SNX19: variants seen among roughly 807,000 people sequenced by gnomAD.
SNX19 encodes the protein sorting nexin-19.
In SNX19, 60 loss-of-function variants were observed where a neutral mutation model predicts 85.2. The ratio of observed to expected loss-of-function variants is 0.70; its 90% CI spans 0.57 to 0.87. The LOEUF (loss-of-function observed/expected upper bound fraction) is 0.87. Ranked by LOEUF, SNX19 falls within the 40% of genes least tolerant of loss-of-function variation. The probability of loss-of-function intolerance (pLI) is 0.00; values close to 1 mark genes in which losing one functional copy is unlikely to be tolerated. For missense variants in SNX19, 1,201 were observed against 1,217.8 expected, an observed-to-expected ratio of 0.99 and a Z score of 0.21; for synonymous variants, 520 against 470.0, an observed-to-expected ratio of 1.11 and a Z score of -1.38.
In SNX19 at chr11:130,911,624, A is replaced by T; in HGVS notation, c.1813+9T>A. ...CAAGCGGGCAGTAGGGGTTGGGGAA[A>T]CTCCTGACTTTTGATGAACTTTCGT... On this transcript the variant is annotated intron_variant, in intron 2 of 10. Coordinates refer to ENST00000265909, the MANE Select transcript of SNX19 (RefSeq NM_014758.3). 6.2e-7 allele frequency: 1 copy of T among 1,613,896 alleles called. No homozygotes were observed. The highest frequency in any genetic ancestry group is 1.7e-5 in the Admixed American group (1 of 59,996).
In SNX19 at chr11:130,880,677, C is replaced by G; in HGVS notation, c.2703G>C (p.Glu901Asp). 1 of 1,612,180 alleles carries G rather than the reference C, an allele frequency of 6.2e-7. No homozygotes were observed. The highest frequency in any genetic ancestry group is 8.5e-7 in the Non-Finnish European group (1 of 1,178,512). The change falls in exon 9 of 11, where the codon GAG becomes GAC. Residue 901 changes from glutamate to aspartate, a missense_variant. By Grantham distance (45) the Glu-to-Asp change is conservative (BLOSUM62 2). This residue lies in a region of SNX19 where 285 missense variants were observed against 295.3 expected (regional missense o/e 0.97). Transcript: ENST00000265909. Reference protein sequence around the residue: ...PKFPRPVRTQEQKLAAEKQAL... With the variant: ...PKFPRPVRTQDQKLAAEKQAL... ...CCTGTTTCTCAGCAGCCAGTTTCTG[C>G]TCTTGGGTCCTTACGGGCCGTGGAA...
intron 8 of SNX19, among the ~76,000 whole-genome samples, chr11:130,895,818 G>A (rs1944838627): frequency 1.3e-5 from 2 of 152,198 alleles, no homozygotes; most frequent in African/African-American, 4.8e-5. Flanking sequence ...GTCACTATGT[G>A]ACAGGAAAGC....
At chr11:130,913,084 A>G (rs1389935152) in intron 1 of SNX19, among the ~76,000 whole-genome samples, 1 of 152,226 alleles carries the variant, frequency 6.6e-6, no homozygotes, top group East Asian at 1.9e-4. Flanking sequence ...AGAACAAATA[A>G]TGGGAGAAAG....
At chr11:130,895,679 G>A (rs2135347468) in intron 8 of SNX19, among the ~76,000 whole-genome samples, 1 of 152,256 alleles carries the variant, frequency 6.6e-6, no homozygotes, top group East Asian at 1.9e-4. Context: ...GAGCAATTTT[G>A]TACCTCTATT....
chr11:130,904,952 C>T (rs1040228921), intron 7 of SNX19, among the ~76,000 whole-genome samples: 1 of 152,146 alleles, frequency 6.6e-6, no homozygotes, highest in Non-Finnish European at 1.5e-5. Flanking sequence ...CTGTCAACCC[C>T]ATTTTTCACA....
intron 7 of SNX19, among the ~76,000 whole-genome samples, chr11:130,903,980 G>A (rs897918375): frequency 1.3e-5 from 2 of 152,146 alleles, no homozygotes; most frequent in South Asian, 2.1e-4. Context: ...ACACAGAGCT[G>A]TGGGGTTAGG....
In SNX19 at chr11:130,875,534, CAAT is replaced by C. The variant is rs1393732739; in HGVS notation, c.*2885_*2887del. On this transcript the variant is annotated 3_prime_UTR_variant, in exon 11 of 11. Coordinates refer to ENST00000265909, the MANE Select transcript of SNX19 (RefSeq NM_014758.3). Reference sequence around the variant, plus strand: ...TCTCACATTATGTGTTTCTTTACAACAATAAGAAAATCACCTTGTAAACTGGAA... The same window carrying C: ...TCTCACATTATGTGTTTCTTTACAACAAGAAAATCACCTTGTAAACTGGAA... 6.9e-6 allele frequency: 1 copy of C among 145,816 alleles called. No individual in the cohort carries two copies. Among genetic ancestry groups the C allele is most frequent in the Admixed American group, 6.8e-5 (1 of 14,762 alleles). The allele number at this position is 145,816 out of a possible 1,614,324, so 9.0% of individuals were successfully genotyped here.
Position 130,867,193 on chromosome 11 carries a change from G to C in SNX19, c.*11229C>G, listed in dbSNP as rs1255480722. On this transcript the variant is annotated 3_prime_UTR_variant, in exon 11 of 11. Transcript: ENST00000265909. ...TTCAGTTTCCTCTTCAGTAAAATGA[G>C]GACATGAGTATTAATAACTTGCCAA... 4 of 152,198 alleles carry C rather than the reference G, an allele frequency of 2.6e-5. No homozygotes were observed. The highest frequency in any genetic ancestry group is 9.7e-5 in the African/African-American group (4 of 41,432). 9.4% of individuals were successfully genotyped at this position (152,198 alleles called of 1,614,324 possible). A position where few individuals can be genotyped will look rare whatever the true frequency, so the allele number is the denominator to read the frequency against.
At position 130,873,098 on chromosome 11, in the gene SNX19, T is replaced by G. The variant is rs1404963069; in HGVS notation, c.*5324A>C. 1.3e-5 allele frequency among the ~76,000 whole-genome samples: 2 copies of G among 152,130 alleles called. No individual in the cohort carries two copies. Among genetic ancestry groups the G allele is most frequent in the African/African-American group, 4.8e-5 (2 of 41,432 alleles). Reference sequence around the variant, plus strand: ...CACTCCGGACCTATTGAATCAAAATTTGCATTTTAACCCGATCCCACGTGA... The same window carrying G: ...CACTCCGGACCTATTGAATCAAAATGTGCATTTTAACCCGATCCCACGTGA... On this transcript the variant is annotated 3_prime_UTR_variant, in exon 11 of 11. Transcript: ENST00000265909.
chr11:130,903,229 T>C, intron 8 of SNX19, 26 bp downstream of exon 8: 1 of 1,612,798 alleles, frequency 6.2e-7, no homozygotes, highest in Non-Finnish European at 8.5e-7. Flanking sequence ...GAGATTCTGA[T>C]GTGAGGGAGA....
At chr11:130,912,164 T>C (rs955775126) in intron 1 of SNX19, among the ~76,000 whole-genome samples, 3 of 152,234 alleles carry the variant, frequency 2.0e-5, no homozygotes, top group East Asian at 1.9e-4. Flanking sequence ...TACTCTCCCG[T>C]GATTATTTAT....
At chr11:130,890,877 T>A (rs919756165) in intron 8 of SNX19, among the ~76,000 whole-genome samples, 4 of 1,438 alleles carry the variant, frequency 2.8e-3, no homozygotes, top group Non-Finnish European at 6.0e-3. Context: ...CTTCCTATGG[T>A]AGGGATTTGG....
At chr11:130,890,667 T>TC (rs1491419840) in intron 8 of SNX19, among the ~76,000 whole-genome samples, 2 of 151,386 alleles carry the variant, frequency 1.3e-5, no homozygotes, top group Admixed American at 6.6e-5. Flanking sequence ...GCCTTGAATG[T>TC]TCTCTCTCTC....
Position 130,877,004 on chromosome 11 carries a change from G to A in SNX19, c.*1418C>T, listed in dbSNP as rs970914436. On this transcript the variant is annotated 3_prime_UTR_variant, in exon 11 of 11. Transcript: ENST00000265909. ...CTTTCTTCCACAAACCACTTTAATT[G>A]TGTGCTCATCACCGACTTCAGAATC... is the stretch of plus-strand genomic sequence containing the variant. The A allele has an allele frequency of 1.3e-5, 2 of 152,200 alleles. No individual in the cohort carries two copies. Among genetic ancestry groups the A allele is most frequent in the Non-Finnish European group, 2.9e-5 (2 of 68,042 alleles). The allele number at this position is 152,200 out of a possible 1,614,324, so 9.4% of individuals were successfully genotyped here.
rs35654790 is a variant in SNX19, at chr11:130,903,716, T to TACACACACACACAC, written c.2444-346_2444-333dup. On this transcript the variant is annotated intron_variant, in intron 7 of 10. Transcript: ENST00000265909. The stretch of plus-strand genomic sequence containing the variant: ...ATATACATATATATATATATACACA[T>TACACACACACACAC]ACACACACACACACACACACACACA... Among the ~76,000 whole-genome samples the TACACACACACACAC allele has an allele frequency of 1.7e-3, 238 of 143,378 alleles. 1 individual carries two copies. Among genetic ancestry groups the TACACACACACACAC allele is most frequent in the African/African-American group, 4.5e-3 (174 of 38,608 alleles). 94.1% of individuals were successfully genotyped at this position (143,378 alleles called of 152,430 possible). A position where few individuals can be genotyped will look rare whatever the true frequency, so the allele number is the denominator to read the frequency against.
intron 5 of SNX19, 83 bp downstream of exon 5, chr11:130,907,870 G>C (rs1259510706): frequency 1.3e-6 from 2 of 1,572,834 alleles, no homozygotes; most frequent in Non-Finnish European, 1.7e-6. Flanking sequence ...TCTAGGGCTT[G>C]AGAATAGGGT....
rs570116873 is a variant in SNX19 at position 130,902,166 on chromosome 11, G to A, written c.2573+1089C>T. On this transcript the variant is annotated intron_variant, in intron 8 of 10. Coordinates refer to ENST00000265909, the MANE Select transcript of SNX19 (RefSeq NM_014758.3). The stretch of plus-strand genomic sequence containing the variant: ...TGGGCATGTTAGTTGACTTTGCCAA[G>A]CTCTATTTTCTCATTCTGTAAAATG... 1.6e-4 allele frequency among the ~76,000 whole-genome samples: 25 copies of A among 152,324 alleles called. 1 individual carries two copies. Among genetic ancestry groups the A allele is most frequent in the African/African-American group, 5.8e-4 (24 of 41,582 alleles).
Position 130,874,262 on chromosome 11 carries a change from T to A in SNX19, c.*4160A>T, listed in dbSNP as rs1048827811. Among the ~76,000 whole-genome samples the A allele has an allele frequency of 6.6e-6, 1 of 152,084 alleles. No individual in the cohort carries two copies. The highest frequency in any genetic ancestry group is 1.5e-5 in the Non-Finnish European group (1 of 68,002). ...GTCTTAAACTCCTGGACTCAAACAA[T>A]CCCCCAACCTTGGCCTCCCAAAGTG... is the stretch of plus-strand genomic sequence containing the variant. On this transcript the variant is annotated 3_prime_UTR_variant, in exon 11 of 11. Coordinates refer to ENST00000265909, the MANE Select transcript of SNX19 (RefSeq NM_014758.3).
At position 130,880,790 on chromosome 11, in the gene SNX19, C is replaced by T; in HGVS notation, c.2590G>A (p.Val864Ile). The change falls in exon 9 of 11, where the codon GTA (valine) becomes ATA (isoleucine). Residue 864 changes from valine to isoleucine, a missense_variant. Around this residue, in one of 3 missense-constraint regions of SNX19, gnomAD observed 285 missense variants for 295.3 expected, o/e 0.97. Transcript: ENST00000265909. ...CGCTGTGGACTTGTTAAATTAGCTACCTGCACCTCTAGCCACCTGTGGTAG... is the reference window on the plus strand; with the variant it reads ...CGCTGTGGACTTGTTAAATTAGCTATCTGCACCTCTAGCCACCTGTGGTAG... ...TLVQRWLEVQ[V>I]ANLTSPQRWV... is the part of the protein sequence containing the mutation. 4 of 1,562,974 alleles carry T rather than the reference C, an allele frequency of 2.6e-6. No homozygotes were observed. Among genetic ancestry groups the T allele is most frequent in the Non-Finnish European group, 2.6e-6 (3 of 1,143,216 alleles).
Sources: gnomAD v4.1 joint callset for allele counts (sites outside exome capture counted in the v4.1 genomes callset) on GRCh38, gnomAD v4.1.1 for gene constraint, gnomAD v4.1.1 regional missense constraint, MANE v1.5 for transcripts, NCBI Gene and HGNC (gene_info 2026-07-23, HGNC 2026-07-21) for gene names.